The following FOXP2 variants were observed in gnomAD, a reference collection of about 807,000 sequenced individuals.
FOXP2 encodes forkhead box protein P2.
In FOXP2, 12 loss-of-function variants were observed where a neutral mutation model predicts 115.8. The ratio of observed to expected loss-of-function variants is 0.10; its 90% CI spans 0.07 to 0.17. The LOEUF (loss-of-function observed/expected upper bound fraction) is 0.17, where lower values mean the gene tolerates loss of function less well. Among genes scored for constraint, FOXP2 ranks in the 10% least tolerant of loss-of-function variants. FOXP2 has a pLI of 1.00. For missense variants in FOXP2, 629 were observed against 843.5 expected (o/e 0.75, Z 3.15); for synonymous variants, 328 against 297.7 (o/e 1.10, Z -1.05).
chr7:114,278,352 GT>G (rs1160376963), intron 1 of FOXP2, among the ~76,000 whole-genome samples: 1 of 151,346 alleles, frequency 6.6e-6, no homozygotes, highest in Non-Finnish European at 1.5e-5. Flanking sequence ...ATATACCTGT[GT>G]TGTTTTACTT....
At chr7:114,438,306 T>G (rs2129210919) in intron 2 of FOXP2, among the ~76,000 whole-genome samples, 1 of 152,256 alleles carries the variant, frequency 6.6e-6, no homozygotes, top group South Asian at 2.1e-4. Context: ...AATTCAAGTG[T>G]TTTGTTAATT....
chr7:114,590,406 C>T (rs1313583293), intron 3 of FOXP2, among the ~76,000 whole-genome samples: 1 of 152,152 alleles, frequency 6.6e-6, no homozygotes, highest in Non-Finnish European at 1.5e-5. Context: ...TTTCTTGAGG[C>T]TGACTCTCCA....
chr7:114,689,572 A>T (rs751742533), intron 16 of FOXP2, among the ~76,000 whole-genome samples: 1 of 152,196 alleles, frequency 6.6e-6, no homozygotes, highest in Non-Finnish European at 1.5e-5. Context: ...GTGGGAGTCC[A>T]TGCTCACATT....
chr7:114,669,102 C>T (rs937074619), intron 16 of FOXP2: 25 of 151,790 alleles, frequency 1.6e-4, no homozygotes, highest in Admixed American at 3.9e-4. Flanking sequence ...TTCCAATTTA[C>T]GTGAGTAAAA....
chr7:114,429,599 A>G (rs959654080), intron 2 of FOXP2, among the ~76,000 whole-genome samples: 2 of 151,576 alleles, frequency 1.3e-5, no homozygotes, highest in Admixed American at 6.6e-5. Context: ...CACTAAGGTC[A>G]AAATAGTTGC....
At chr7:114,510,593 A>G (rs974276315) in intron 2 of FOXP2, among the ~76,000 whole-genome samples, 4 of 152,170 alleles carry the variant, frequency 2.6e-5, no homozygotes, top group African/African-American at 9.7e-5. Flanking sequence ...AATCTTTTGA[A>G]CCAAATGGAT....
upstream of FOXP2, among the ~76,000 whole-genome samples, chr7:114,410,166 G>A (rs17132226): frequency 6.8e-4 from 103 of 152,156 alleles, no homozygotes; most frequent in African/African-American, 2.3e-3. Flanking sequence ...ACTAAATGGC[G>A]TTGTACTCTC....
At chr7:114,328,488 G>T (rs996710461) in intron 2 of FOXP2, among the ~76,000 whole-genome samples, 1 of 151,670 alleles carries the variant, frequency 6.6e-6, no homozygotes, top group Non-Finnish European at 1.5e-5. Flanking sequence ...CGCCTGCCTC[G>T]GCCTCCCAGA....
intron 1 of FOXP2, among the ~76,000 whole-genome samples, chr7:114,197,231 A>T (rs1793936308): frequency 2.6e-5 from 4 of 152,094 alleles, no homozygotes; most frequent in Admixed American, 2.6e-4. Flanking sequence ...AAAAAGACCC[A>T]CCTCAAATCT....
In FOXP2 at chr7:114,689,777, T is replaced by C; in HGVS notation, c.2004-5T>C. Reference sequence around the variant, plus strand: ...AAAATTTTGGTGTATCTACATGTTTTTCAGACATTCAATCCACGTCAAGGA... The same window carrying C: ...AAAATTTTGGTGTATCTACATGTTTCTCAGACATTCAATCCACGTCAAGGA... On this transcript the variant is annotated splice_region_variant and splice_polypyrimidine_tract_variant and intron_variant, in intron 16 of 16. Transcript: ENST00000350908. The C allele has an allele frequency of 6.2e-7, 1 of 1,613,150 alleles. No individual in the cohort carries two copies. The highest frequency in any genetic ancestry group is 8.5e-7 in the Non-Finnish European group (1 of 1,179,390).
intron 1 of FOXP2, among the ~76,000 whole-genome samples, chr7:114,206,168 C>A (rs1273518765): frequency 2.6e-5 from 4 of 152,214 alleles, no homozygotes; most frequent in Middle Eastern, 6.8e-3. Flanking sequence ...CAAGTCTCCC[C>A]AGGACAGACA....
At chr7:114,634,653 A>C (rs1294914611) in intron 6 of FOXP2, among the ~76,000 whole-genome samples, 1 of 152,002 alleles carries the variant, frequency 6.6e-6, no homozygotes, top group African/African-American at 2.4e-5. Context: ...ATATACATAC[A>C]TATGTCAAAT....
At chr7:114,607,500 G>A (rs2129316476) in intron 3 of FOXP2, among the ~76,000 whole-genome samples, 1 of 152,256 alleles carries the variant, frequency 6.6e-6, no homozygotes, top group South Asian at 2.1e-4. Flanking sequence ...TAAGTTTGAA[G>A]AGTGAGATAA....
At chr7:114,565,056 A>G (rs1800939693) in intron 3 of FOXP2, among the ~76,000 whole-genome samples, 1 of 151,690 alleles carries the variant, frequency 6.6e-6, no homozygotes, top group Non-Finnish European at 1.5e-5. Flanking sequence ...GAATCTCAAT[A>G]TAATTCTCTT....
intron 2 of FOXP2, among the ~76,000 whole-genome samples, chr7:114,517,287 T>C (rs1798392575): frequency 6.6e-6 from 1 of 152,174 alleles, no homozygotes; most frequent in African/African-American, 2.4e-5. Context: ...TATTCTCCCA[T>C]TCCATAGGTC....
chr7:114,239,938 G>T (rs1795109733), intron 1 of FOXP2, among the ~76,000 whole-genome samples: 1 of 152,096 alleles, frequency 6.6e-6, no homozygotes, highest in African/African-American at 2.4e-5. Flanking sequence ...GCCTGATTTG[G>T]AAAACGATAT....
intron 8 of FOXP2, among the ~76,000 whole-genome samples, chr7:114,650,900 A>G (rs972446540): frequency 6.6e-6 from 1 of 152,106 alleles, no homozygotes; most frequent in Non-Finnish European, 1.5e-5. Context: ...GGTTTAATTT[A>G]TCAAGGTATA....
chr7:114,336,733 T>A (rs1367128286), intron 2 of FOXP2, among the ~76,000 whole-genome samples: 1 of 151,470 alleles, frequency 6.6e-6, no homozygotes, highest in African/African-American at 2.4e-5. Context: ...TATTCATAAA[T>A]CTGTACTGTA....
intron 2 of FOXP2, among the ~76,000 whole-genome samples, chr7:114,289,653 A>T (rs1288170799): frequency 2.0e-5 from 3 of 151,916 alleles, no homozygotes; most frequent in Non-Finnish European, 4.4e-5. Flanking sequence ...TATTTTTTAA[A>T]AGTAGAGAAT....
Sources: gnomAD v4.1 joint callset for allele counts (sites outside exome capture counted in the v4.1 genomes callset) on GRCh38, gnomAD v4.1.1 for gene constraint, MANE v1.5 for transcripts, NCBI Gene and HGNC (gene_info 2026-07-23, HGNC 2026-07-21) for gene names.